The following SH3KBP1 variants were observed in gnomAD, a reference collection of about 807,000 sequenced individuals.
SH3KBP1 encodes SH3 domain-containing kinase-binding protein 1.
SH3KBP1 carries 8 observed loss-of-function variants against 50.1 expected under a neutral mutation model. The ratio of observed to expected loss-of-function variants is 0.16; its 90% confidence interval spans 0.09 to 0.29. The LOEUF (loss-of-function observed/expected upper bound fraction) is 0.29. Ranked by LOEUF, SH3KBP1 falls within the 10% of genes least tolerant of loss-of-function variation. The probability of loss-of-function intolerance (pLI) is 1.00; values close to 1 mark genes in which losing one functional copy is unlikely to be tolerated. For missense variants in SH3KBP1, 377 were observed against 535.2 expected (o/e 0.70, Z 2.92); for synonymous variants, 227 against 218.6 (o/e 1.04, Z -0.34).
At chrX:19,550,197 A>G (rs185721730) in intron 13 of SH3KBP1, 114 bp from the exon 14 acceptor site, 124 of 511,835 alleles carry the variant, frequency 2.4e-4, no homozygotes, top group African/African-American at 2.4e-3. Context: ...ATTACACTTC[A>G]TCTTTTACAA....
At chrX:19,635,204 T>C (rs1051782951) in intron 7 of SH3KBP1, among the ~76,000 whole-genome samples, 1 of 111,824 alleles carries the variant, frequency 8.9e-6, no homozygotes, top group Admixed American at 9.5e-5. Flanking sequence ...ATAAAGAAAA[T>C]GTGGTACATA....
intron 12 of SH3KBP1, among the ~76,000 whole-genome samples, chrX:19,572,414 C>T (rs755283141): frequency 4.0e-5 from 4 of 99,312 alleles, no homozygotes; most frequent in Non-Finnish European, 7.8e-5. Context: ...ATAGTACATA[C>T]ATGTTATATA....
At chrX:19,588,485 C>T (rs761180678) in intron 12 of SH3KBP1, 158 bp downstream of exon 12, 5 of 1,194,771 alleles carry the variant, frequency 4.2e-6, no homozygotes, top group South Asian at 1.8e-5. Context: ...CAGAAGTGGC[C>T]GGTGTCTTCA....
intron 8 of SH3KBP1, among the ~76,000 whole-genome samples, chrX:19,609,870 A>C (rs1191037530): frequency 8.9e-6 from 1 of 112,030 alleles, no homozygotes. Flanking sequence ...CCAGTCCAAT[A>C]CTTGAATTAC....
rs1046911806 is a variant in SH3KBP1, at chrX:19,737,643, C to T, written c.286+8675G>A. Among the ~76,000 whole-genome samples the T allele has an allele frequency of 6.3e-5, 7 of 111,425 alleles. No homozygotes were observed. In the Admixed American group the frequency reaches 6.6e-4, roughly 11 times the overall value. ...TAGAGACTGTCATCATAATAAAAAC[C>T]ACCTCTGGAATCGCAGGTTCCATCG... On this transcript the variant is annotated intron_variant, in intron 3 of 17. Coordinates refer to ENST00000397821, the MANE Select transcript of SH3KBP1 (RefSeq NM_031892.3).
At chrX:19,541,564 A>G (rs79790141) in intron 16 of SH3KBP1, among the ~76,000 whole-genome samples, 32 of 112,250 alleles carry the variant, frequency 2.9e-4, no homozygotes, top group South Asian at 3.7e-4. Context: ...AGGAAAAGCT[A>G]GCTGTTGAGC....
intron 8 of SH3KBP1, among the ~76,000 whole-genome samples, chrX:19,615,070 A>G (rs1333202645): frequency 8.9e-6 from 1 of 112,286 alleles, no homozygotes; most frequent in Non-Finnish European, 1.9e-5. Context: ...AGCTTCATCT[A>G]TATGATCAGG....
At chrX:19,820,417 G>A (rs868738301) in intron 2 of SH3KBP1, among the ~76,000 whole-genome samples, 2 of 111,244 alleles carry the variant, frequency 1.8e-5, no homozygotes, top group Non-Finnish European at 3.8e-5. Context: ...GGACTGCTAC[G>A]TCTTCTTGGT....
intron 2 of SH3KBP1, among the ~76,000 whole-genome samples, chrX:19,772,686 G>A (rs1160289613): frequency 9.0e-6 from 1 of 111,519 alleles, no homozygotes; most frequent in African/African-American, 3.3e-5. Context: ...AATATCCCAT[G>A]GAGATGGGCG....
At chrX:19,544,699 C>T (rs892307295) in intron 15 of SH3KBP1, among the ~76,000 whole-genome samples, 16 of 111,928 alleles carry the variant, frequency 1.4e-4, no homozygotes, top group African/African-American at 4.2e-4. Flanking sequence ...CACGCTCTCC[C>T]GGCCCATTTC....
intron 6 of SH3KBP1, among the ~76,000 whole-genome samples, chrX:19,680,715 G>A (rs1247319842): frequency 4.5e-5 from 5 of 112,131 alleles, no homozygotes; most frequent in Admixed American, 3.8e-4. Context: ...CACACTTATC[G>A]GCTTTTGTGC....
At chrX:19,576,122 G>A (rs1416475642) in intron 12 of SH3KBP1, among the ~76,000 whole-genome samples, 2 of 111,922 alleles carry the variant, frequency 1.8e-5, no homozygotes, top group African/African-American at 6.5e-5. Context: ...ACTTGTTTCT[G>A]ATTTTTAAAT....
rs748098458 is a variant in SH3KBP1, at chrX:19,608,037, G to A, written c.906C>T (p.Ile302=). 2.6e-5 allele frequency: 32 copies of A among 1,208,244 alleles called. 1 individual carries two copies. The South Asian group carries it at 4.9e-4, about 19-fold the overall frequency. ...DIVTLINKDC[I]DVGWWEGELN... ...GCTCTCCTTCCCACCAGCCTACGTC[G>A]ATGCAGTCCTAGAAAACAGGAGAAC... Residue 302 remains isoleucine, a synonymous_variant, in exon 9 of 18, where the codon ATC becomes ATT. Coordinates refer to ENST00000397821, the MANE Select transcript of SH3KBP1 (RefSeq NM_031892.3).
intron 1 of SH3KBP1, among the ~76,000 whole-genome samples, chrX:19,873,213 A>T (rs1372336609): frequency 9.5e-6 from 1 of 105,148 alleles, no homozygotes; most frequent in African/African-American, 3.5e-5. Flanking sequence ...CATGAACTCA[A>T]ATATTCAGCT....
intron 7 of SH3KBP1, among the ~76,000 whole-genome samples, chrX:19,644,234 G>T (rs929356106): frequency 3.6e-5 from 4 of 111,736 alleles, no homozygotes; most frequent in Non-Finnish European, 7.5e-5. Flanking sequence ...TGGGGGCTGG[G>T]GGGTAGGAGG....
chrX:19,800,402 C>T (rs1011664446), intron 2 of SH3KBP1, among the ~76,000 whole-genome samples: 1 of 112,051 alleles, frequency 8.9e-6, no homozygotes, highest in Non-Finnish European at 1.9e-5. Context: ...CAGGTTCATA[C>T]AGTAATTCAA....
chrX:19,548,098 G>A (rs755648633), intron 14 of SH3KBP1, among the ~76,000 whole-genome samples: 1 of 112,612 alleles, frequency 8.9e-6, no homozygotes, highest in African/African-American at 3.2e-5. Context: ...ACCTGGCACA[G>A]TGCCGAGCCC....
intron 6 of SH3KBP1, among the ~76,000 whole-genome samples, chrX:19,666,625 C>G (rs1025022576): frequency 3.6e-5 from 4 of 111,317 alleles, no homozygotes; most frequent in Non-Finnish European, 7.5e-5. Context: ...AACACCAACT[C>G]TAATTGCAAT....
chrX:19,601,987 C>T (rs747111789), intron 9 of SH3KBP1, among the ~76,000 whole-genome samples: 33 of 110,944 alleles, frequency 3.0e-4, no homozygotes, highest in Non-Finnish European at 5.9e-4. Flanking sequence ...AGACTGATGG[C>T]CTATTGGGTG....
Sources: gnomAD v4.1 joint callset for allele counts (sites outside exome capture counted in the v4.1 genomes callset) on GRCh38, gnomAD v4.1.1 for gene constraint, MANE v1.5 for transcripts, NCBI Gene and HGNC (gene_info 2026-07-23, HGNC 2026-07-21) for gene names.